The following EYS variants were observed in gnomAD, a reference collection of about 807,000 sequenced individuals.
EYS encodes EGF-like photoreceptor maintenance factor, also known as protein eyes shut homolog.
In EYS, 250 loss-of-function variants were observed where a neutral mutation model predicts 282.1. The observed-to-expected ratio is 0.89, with a 90% CI of 0.80 to 0.98. The LOEUF (loss-of-function observed/expected upper bound fraction) is 0.98. Ranked by LOEUF, EYS falls within the 50% of genes least tolerant of loss-of-function variation. The pLI, the probability that EYS is intolerant of heterozygous loss-of-function variation, is 0.00. For synonymous variants in EYS, 1,355 were observed against 1,282.9 expected, an observed-to-expected ratio of 1.06 and a Z score of -1.20; for missense variants, 4,016 against 3,709.0, an observed-to-expected ratio of 1.08 and a Z score of -2.15.
chr6:64,464,540 C>T (rs1334122200), intron 26 of EYS, among the ~76,000 whole-genome samples: 1 of 152,054 alleles, frequency 6.6e-6, no homozygotes, highest in African/African-American at 2.4e-5. Flanking sequence ...TATATGGAAA[C>T]ACTAAAGACT....
intron 12 of EYS, among the ~76,000 whole-genome samples, chr6:65,288,522 T>A (rs542471704): frequency 6.6e-6 from 1 of 150,868 alleles, no homozygotes; most frequent in African/African-American, 2.4e-5. Context: ...TTTTACTTAA[T>A]TAAAATTGAC....
intron 26 of EYS, among the ~76,000 whole-genome samples, chr6:64,444,869 T>C (rs1397087223): frequency 6.6e-6 from 1 of 152,208 alleles, no homozygotes; most frequent in African/African-American, 2.4e-5. Context: ...CCTTTCTCTC[T>C]CGTTTCCTCT....
chr6:63,838,888 C>G (rs1473275523), intron 36 of EYS, among the ~76,000 whole-genome samples: 1 of 152,048 alleles, frequency 6.6e-6, no homozygotes, highest in Non-Finnish European at 1.5e-5. Flanking sequence ...AGTTTGAATA[C>G]TATTTATACG....
intron 31 of EYS, among the ~76,000 whole-genome samples, chr6:64,094,704 C>A (rs1263954397): frequency 2.0e-5 from 3 of 152,076 alleles, no homozygotes; most frequent in African/African-American, 4.8e-5. Context: ...TTTCAAAAAA[C>A]CAGCTCCTGG....
At chr6:64,393,234 C>T (rs370201118) in intron 28 of EYS, among the ~76,000 whole-genome samples, 1 of 152,242 alleles carries the variant, frequency 6.6e-6, no homozygotes, top group Non-Finnish European at 1.5e-5. Context: ...CCTTCTGAAA[C>T]CATTCCAATC....
chr6:63,891,066 T>A (rs1013571472), intron 35 of EYS, among the ~76,000 whole-genome samples: 10 of 152,120 alleles, frequency 6.6e-5, no homozygotes, highest in African/African-American at 2.4e-4. Flanking sequence ...AATAGACCAA[T>A]AACAAGTTCT....
At chr6:64,810,655 G>A (rs1764565358) in intron 22 of EYS, among the ~76,000 whole-genome samples, 2 of 151,940 alleles carry the variant, frequency 1.3e-5, no homozygotes, top group Admixed American at 6.6e-5. Context: ...AATTATAAGA[G>A]CAAGCCTATG....
At chr6:64,635,860 C>T (rs1053488573) in intron 22 of EYS, among the ~76,000 whole-genome samples, 19 of 152,146 alleles carry the variant, frequency 1.2e-4, no homozygotes, top group East Asian at 1.9e-4. Flanking sequence ...GGAGGATTCC[C>T]GCTTTTTCTA....
intron 19 of EYS, among the ~76,000 whole-genome samples, chr6:64,856,262 C>T (rs1048514879): frequency 8.6e-5 from 13 of 152,032 alleles, no homozygotes; most frequent in African/African-American, 4.8e-5. Context: ...TTCACATTTT[C>T]GCCAGCATTT....
At chr6:65,452,858 G>C (rs1361187308) in intron 5 of EYS, among the ~76,000 whole-genome samples, 1 of 151,948 alleles carries the variant, frequency 6.6e-6, no homozygotes, top group Middle Eastern at 3.2e-3. Context: ...ATACAAATAT[G>C]AACAAACATC....
intron 12 of EYS, among the ~76,000 whole-genome samples, chr6:65,285,926 T>C (rs1768350155): frequency 6.6e-6 from 1 of 151,842 alleles, no homozygotes; most frequent in Non-Finnish European, 1.5e-5. Context: ...GGTGACCAAA[T>C]TGGTAGTTCA....
intron 5 of EYS, among the ~76,000 whole-genome samples, chr6:65,485,453 A>C (rs1351064377): frequency 2.0e-5 from 3 of 152,212 alleles, no homozygotes; most frequent in Admixed American, 1.3e-4. Context: ...ACAAAAAGTA[A>C]AGTGATAGTT....
chr6:64,830,166 C>T (rs1321691481), intron 19 of EYS, among the ~76,000 whole-genome samples: 2 of 151,978 alleles, frequency 1.3e-5, no homozygotes, highest in Non-Finnish European at 2.9e-5. Context: ...GAGGACATGG[C>T]TAGAAGGCAC....
intron 31 of EYS, among the ~76,000 whole-genome samples, chr6:64,105,594 C>T (rs549085943): frequency 6.6e-6 from 1 of 152,190 alleles, no homozygotes; most frequent in African/African-American, 2.4e-5. Context: ...CCTATTCATC[C>T]TTCCCTCCCT....
intron 33 of EYS, among the ~76,000 whole-genome samples, chr6:64,008,543 T>A (rs1382863197): frequency 6.6e-6 from 1 of 152,196 alleles, no homozygotes; most frequent in Non-Finnish European, 1.5e-5. Context: ...CTTGATTGTG[T>A]GGTTGCTTTA....
chr6:65,614,582 ATT>A (rs1766118888), intron 2 of EYS, among the ~76,000 whole-genome samples: 1 of 152,102 alleles, frequency 6.6e-6, no homozygotes. Context: ...CAAAATGTAC[ATT>A]TGTTATAAAA....
Position 64,211,573 on chromosome 6 carries a change from A to AT in EYS, c.6424+19018dup, listed in dbSNP as rs962375462. Among the ~76,000 whole-genome samples the AT allele has an allele frequency of 8.5e-3, 1,165 of 137,672 alleles. 21 individuals are homozygous for AT. The highest frequency in any genetic ancestry group is 0.029 in the African/African-American group (1,077 of 36,904). The allele number at this position is 137,672 out of a possible 152,430, so 90.3% of individuals were successfully genotyped here. A position where few individuals can be genotyped will look rare whatever the true frequency, so the allele number is the denominator to read the frequency against. ...ATTAATCTAATTCATATATATATAT[A>AT]TTTTTTTTCATATATTAATCTAATT... On this transcript the variant is annotated intron_variant, in intron 31 of 42. Coordinates refer to ENST00000503581, the MANE Select transcript of EYS (RefSeq NM_001142800.2).
chr6:64,294,898 A>G (rs1237508486), intron 30 of EYS, among the ~76,000 whole-genome samples: 1 of 152,206 alleles, frequency 6.6e-6, no homozygotes, highest in African/African-American at 2.4e-5. Flanking sequence ...GGGGGTATGC[A>G]TAATGTATTT....
At chr6:65,268,801 A>G (rs1012279420) in intron 12 of EYS, among the ~76,000 whole-genome samples, 8 of 102,168 alleles carry the variant, frequency 7.8e-5, no homozygotes, top group African/African-American at 2.1e-4. Context: ...GTATTTCAAC[A>G]TAAGTTTTTT....
Sources: allele counts gnomAD v4.1 joint callset (sites outside exome capture counted in the v4.1 genomes callset), GRCh38; gene constraint gnomAD v4.1.1; transcripts MANE v1.5; gene names NCBI Gene and HGNC (gene_info 2026-07-23, HGNC 2026-07-21).